Variants in WFS1 observed in about 807,000 individuals in gnomAD.
WFS1 encodes the protein wolframin.
WFS1 carries 90 observed loss-of-function variants against 68.5 expected under a neutral mutation model. That is an observed-to-expected ratio of 1.31 (90% CI 1.11 to 1.56). The LOEUF is 1.56. WFS1 is among the 40% of genes most tolerant of loss of function. The probability of loss-of-function intolerance (pLI) is 0.00; values close to 1 mark genes in which losing one functional copy is unlikely to be tolerated. For missense variants in WFS1, 1,767 were observed against 1,232.6 expected (o/e 1.43, Z -6.49); for synonymous variants, 860 against 540.7 (o/e 1.59, Z -8.19).
Position 6,287,398 on chromosome 4 carries a change from T to C in WFS1, c.315+223T>C. The stretch of plus-strand genomic sequence containing the variant: ...CTCTGGGGAGCAGCGCTCATCCCCC[T>C]TTTGTCCAACTCACACCTCATCTTG... On this transcript the variant is annotated intron_variant, in intron 3 of 7. Coordinates refer to ENST00000226760, the MANE Select transcript of WFS1 (RefSeq NM_006005.3). The surrounding 1 kb of genome is among the most constrained non-coding windows in gnomAD (Gnocchi z 6.4). 1 of 572,466 alleles carries C rather than the reference T, an allele frequency of 1.7e-6. No individual in the cohort carries two copies. Among genetic ancestry groups the C allele is most frequent in the Non-Finnish European group, 3.2e-6 (1 of 315,704 alleles). 35.5% of individuals were successfully genotyped at this position (572,466 alleles called of 1,614,324 possible).
chr4:6,290,714 G>A (rs900649464), intron 4 of WFS1, among the ~76,000 whole-genome samples: 3 of 151,342 alleles, frequency 2.0e-5, no homozygotes, highest in African/African-American at 7.2e-5. Flanking sequence ...CCCTCTCCCC[G>A]CTGTCCAAGC....
At chr4:6,271,625 G>A (rs1252525574) in intron 1 of WFS1, among the ~76,000 whole-genome samples, 1 of 152,094 alleles carries the variant, frequency 6.6e-6, no homozygotes, top group Non-Finnish European at 1.5e-5. Context: ...CCACAAACCA[G>A]ACCACCCCCT....
intron 2 of WFS1, among the ~76,000 whole-genome samples, chr4:6,286,465 T>A (rs556927719): frequency 6.6e-6 from 1 of 152,272 alleles, no homozygotes; most frequent in Admixed American, 6.5e-5. Flanking sequence ...GTCTCCAGAA[T>A]CGAAAGAAAT....
At chr4:6,278,872 A>G (rs113811862) in intron 2 of WFS1, among the ~76,000 whole-genome samples, 2,026 of 152,360 alleles carry the variant, frequency 0.013, 48 homozygotes, top group African/African-American at 0.046. Context: ...CTTCAGGGGA[A>G]CAGATACCAG....
intron 2 of WFS1, among the ~76,000 whole-genome samples, chr4:6,278,022 A>G (rs950353579): frequency 1.3e-5 from 2 of 152,216 alleles, no homozygotes; most frequent in African/African-American, 4.8e-5. Context: ...GTAACCAACT[A>G]GGGTGGCAGG....
chr4:6,302,342 C>T lies in WFS1; in HGVS notation c.2547C>T (p.Asn849=). ...AGCTCAAGGCCATCAGCTGCCTCAA[C>T]TGCATGGCCCAGCTCTCACCCACCA... ...VFELKAISCL[N]CMAQLSPTRR... is the part of the protein sequence containing the mutation. The change falls in exon 8 of 8, where the codon AAC becomes AAT. Residue 849 remains asparagine (N), a synonymous_variant. Transcript: ENST00000226760. 3 of 1,612,838 alleles carry T rather than the reference C, an allele frequency of 1.9e-6. No individual in the cohort carries two copies. The highest frequency in any genetic ancestry group is 1.1e-5 in the South Asian group (1 of 91,084).
intron 1 of WFS1, among the ~76,000 whole-genome samples, chr4:6,270,455 G>A (rs1177277082): frequency 1.8e-5 from 2 of 111,962 alleles, no homozygotes; most frequent in African/African-American, 6.4e-5. Flanking sequence ...CTGGGCCCCC[G>A]GGAGGTGTTG....
intron 7 of WFS1, among the ~76,000 whole-genome samples, chr4:6,299,002 G>A (rs963798487): frequency 2.6e-5 from 4 of 152,228 alleles, no homozygotes; most frequent in Non-Finnish European, 4.4e-5. Context: ...ATGTGGGGCC[G>A]CCCCCTAGGC....
Position 6,302,768 on chromosome 4 carries a change from A to G in WFS1, c.*300A>G, listed in dbSNP as rs541125786. On this transcript the variant is annotated 3_prime_UTR_variant, in exon 8 of 8. Coordinates refer to ENST00000226760, the MANE Select transcript of WFS1 (RefSeq NM_006005.3). ...GACTAGGAGGTTCCGGTGTCTGGAA[A>G]AGCACTTTACAGATGAGATTCCCTC... 163 of 512,034 alleles carry G rather than the reference A, an allele frequency of 3.2e-4. No individual in the cohort carries two copies. The highest frequency in any genetic ancestry group is 1.9e-4 in the Non-Finnish European group (54 of 287,472). 31.7% of individuals were successfully genotyped at this position (512,034 alleles called of 1,614,324 possible). A position where few individuals can be genotyped will look rare whatever the true frequency, so the allele number is the denominator to read the frequency against.
In WFS1 at chr4:6,301,237, T is replaced by G; in HGVS notation, c.1442T>G (p.Leu481Arg). The change falls in exon 8 of 8, where the codon CTG becomes CGG. Residue 481 changes from leucine (L) to arginine (R), a missense_variant. By Grantham distance (102) the Leu-to-Arg change is moderately radical. Transcript: ENST00000226760. ...TCCATGCCCTTGAATTGGCCCTACC[T>G]GAAGGTCCTTGGCCAGACCTTCATC... ...LPSMPLNWPYLKVLGQTFITV... is the reference protein window; with the variant it reads ...LPSMPLNWPYRKVLGQTFITV... The G allele has an allele frequency of 6.2e-7, 1 of 1,611,640 alleles. No individual in the cohort carries two copies. Among genetic ancestry groups the G allele is most frequent in the Non-Finnish European group, 8.5e-7 (1 of 1,180,034 alleles).
Position 6,301,769 on chromosome 4 carries a change from G to A in WFS1, c.1974G>A (p.Lys658=). 6.2e-7 allele frequency: 1 copy of A among 1,613,662 alleles called. No homozygotes were observed. The highest frequency in any genetic ancestry group is 8.5e-7 in the Non-Finnish European group (1 of 1,180,032). ...ATGTGTACCGCTCAGAGGGCATGAA[G>A]GTCTACAACTCCACACTGACCTGGC... is the stretch of plus-strand genomic sequence containing the variant. The part of the protein sequence containing the change: ...WFYVYRSEGM[K]VYNSTLTWQQ... The change falls in exon 8 of 8, where the codon AAG becomes AAA. Residue 658 remains lysine, a synonymous_variant. Coordinates refer to ENST00000226760, the MANE Select transcript of WFS1 (RefSeq NM_006005.3).
At chr4:6,273,710 G>C (rs1208847566) in intron 1 of WFS1, among the ~76,000 whole-genome samples, 1 of 152,232 alleles carries the variant, frequency 6.6e-6, no homozygotes, top group Non-Finnish European at 1.5e-5. Flanking sequence ...CCAGACAGCA[G>C]GTCCTTCCAC....
At chr4:6,299,554 G>A (rs1159395967) in intron 7 of WFS1, among the ~76,000 whole-genome samples, 1 of 99,668 alleles carries the variant, frequency 1.0e-5, no homozygotes, top group African/African-American at 3.7e-5. Flanking sequence ...GTGAATGTGT[G>A]TGTAGGGGTG....
In WFS1 at chr4:6,301,011, G is replaced by A. The variant is rs942866942; in HGVS notation, c.1216G>A (p.Ala406Thr). The change falls in exon 8 of 8, where the codon GCC (alanine) becomes ACC (threonine). Residue 406 changes from alanine (A) to threonine (T), a missense_variant. Transcript: ENST00000226760. ...NFGWNHLEPY[A>T]HFLLSVFFVI... ...CGGCTGGAACCACCTGGAGCCCTAT[G>A]CCCATTTCCTGCTCTCTGTCTTCTT... 5.6e-6 allele frequency: 9 copies of A among 1,613,880 alleles called. No individual in the cohort carries two copies. In the African/African-American group the frequency reaches 1.1e-4, roughly 19 times the overall value.
chr4:6,299,540 T>TTGCGTG (rs1344998920), intron 7 of WFS1, among the ~76,000 whole-genome samples: 37 of 43,754 alleles, frequency 8.5e-4, no homozygotes, highest in African/African-American at 3.8e-3. Context: ...TAGGGGTGGG[T>TTGCGTG]TGTGTGAATG....
At chr4:6,292,704 T>C (rs1730500421) in intron 6 of WFS1, among the ~76,000 whole-genome samples, 1 of 152,038 alleles carries the variant, frequency 6.6e-6, no homozygotes, top group Non-Finnish European at 1.5e-5. Context: ...TCAGTATCAA[T>C]GGGGGGATGG....
rs142671083 is a variant in WFS1, at chr4:6,300,919, G to A, written c.1124G>A (p.Arg375His). Reference protein sequence around the residue: ...FQDSKAWENFRTLTDLLLRFE... With the variant: ...FQDSKAWENFHTLTDLLLRFE... ...GACAGCAAGGCCTGGGAGAACTTCC[G>A]CACCCTCACCGACCTGCTGCTGCGC... is the stretch of plus-strand genomic sequence containing the variant. The change falls in exon 8 of 8, where the codon CGC becomes CAC. Residue 375 changes from arginine (R) to histidine (H), a missense_variant. Coordinates refer to ENST00000226760, the MANE Select transcript of WFS1 (RefSeq NM_006005.3). 538 of 1,614,082 alleles carry A rather than the reference G, an allele frequency of 3.3e-4. No homozygotes were observed. The highest frequency in any genetic ancestry group is 4.4e-4 in the Non-Finnish European group (514 of 1,180,006).
rs1396005597 is a variant in WFS1 at position 6,302,291 on chromosome 4, C to T, written c.2496C>T (p.Arg832=). 1.2e-6 allele frequency: 2 copies of T among 1,605,892 alleles called. No homozygotes were observed. ...AGTTCAGCACCATCCTGGAGGGCCGCCTGGGCAGCAAGTGGCCTGTCTTCG... is the reference window on the plus strand; with the variant it reads ...AGTTCAGCACCATCCTGGAGGGCCGTCTGGGCAGCAAGTGGCCTGTCTTCG... ...LIEFSTILEG[R]LGSKWPVFEL... The change falls in exon 8 of 8, where the codon CGC becomes CGT. Residue 832 remains arginine (R), a synonymous_variant. Coordinates refer to ENST00000226760, the MANE Select transcript of WFS1 (RefSeq NM_006005.3).
chr4:6,291,112 C>T, intron 4 of WFS1, 85 bp from the exon 5 acceptor site: 1 of 1,509,970 alleles, frequency 6.6e-7, no homozygotes, highest in Non-Finnish European at 9.1e-7. Context: ...GCTCGAAAGC[C>T]TTCCAGGCAG....
Sources: gnomAD v4.1 joint callset for allele counts (sites outside exome capture counted in the v4.1 genomes callset) on GRCh38, gnomAD v4.1.1 for gene constraint, Gnocchi (gnomAD v3.1) non-coding constraint, MANE v1.5 for transcripts, NCBI Gene and HGNC (gene_info 2026-07-23, HGNC 2026-07-21) for gene names.